Variants in SV2C observed in about 807,000 individuals in gnomAD.
SV2C encodes the protein solute carrier family 22 member B3.
A neutral mutation model predicts 79.7 loss-of-function variants in SV2C; 49 were observed. The observed-to-expected ratio is 0.61, with a 90% CI of 0.49 to 0.78. The LOEUF (loss-of-function observed/expected upper bound fraction) is 0.78. Ranked by LOEUF, SV2C falls within the 30% of genes least tolerant of loss-of-function variation. The pLI is 0.00. For missense variants in SV2C, 833 were observed against 912.9 expected (o/e 0.91, Z 1.13); for synonymous variants, 334 against 333.2 (o/e 1.00, Z -0.03).
intron 2 of SV2C, among the ~76,000 whole-genome samples, chr5:76,148,043 G>A (rs1169718712): frequency 6.6e-6 from 1 of 152,054 alleles, no homozygotes; most frequent in Non-Finnish European, 1.5e-5. Flanking sequence ...TAAATAAAGA[G>A]ACTCATTAAG....
At chr5:76,003,449 C>G in the SV2C span, among the ~76,000 whole-genome samples, 1 of 152,098 alleles carries the variant, frequency 6.6e-6, no homozygotes, top group Admixed American at 6.5e-5. Flanking sequence ...TTGCATTTTC[C>G]AAAATAGGAA....
chr5:76,080,555 C>T (rs1746970192), upstream of SV2C, among the ~76,000 whole-genome samples: 1 of 152,182 alleles, frequency 6.6e-6, no homozygotes, highest in African/African-American at 2.4e-5. Flanking sequence ...CACTGTGCTT[C>T]TTGTGTATAT....
chr5:76,071,785 G>A, the SV2C span, among the ~76,000 whole-genome samples: 1 of 152,196 alleles, frequency 6.6e-6, no homozygotes, highest in Non-Finnish European at 1.5e-5. Context: ...ACACTAATTT[G>A]GAGCAGGAAG....
the SV2C span, among the ~76,000 whole-genome samples, chr5:76,043,139 C>A: frequency 6.6e-6 from 1 of 152,192 alleles, no homozygotes; most frequent in South Asian, 2.1e-4. Flanking sequence ...ACTAGCCATG[C>A]AGAAAGCCCA....
At chr5:76,128,624 T>C (rs1308726204) in intron 1 of SV2C, among the ~76,000 whole-genome samples, 1 of 152,218 alleles carries the variant, frequency 6.6e-6, no homozygotes, top group Non-Finnish European at 1.5e-5. Flanking sequence ...AATGGAAGAC[T>C]ATAATGTCTA....
At chr5:76,059,512 A>G in the SV2C span, among the ~76,000 whole-genome samples, 1 of 150,852 alleles carries the variant, frequency 6.6e-6, no homozygotes. Context: ...TTGCTCATCC[A>G]TAAGAAGCAA....
chr5:75,919,652 G>A, the SV2C span, among the ~76,000 whole-genome samples: 1 of 152,252 alleles, frequency 6.6e-6, no homozygotes, highest in East Asian at 1.9e-4. Context: ...ATCATCAAAA[G>A]AACCTACCTT....
At chr5:75,910,826 G>T in the SV2C span, 2 of 1,304,022 alleles carry the variant, frequency 1.5e-6, no homozygotes, top group Admixed American at 3.4e-5. Context: ...CAATTTGAGG[G>T]ATGTCTTCTA....
At chr5:76,097,199 T>C (rs1162453037) in intron 1 of SV2C, among the ~76,000 whole-genome samples, 1 of 152,154 alleles carries the variant, frequency 6.6e-6, no homozygotes, top group Non-Finnish European at 1.5e-5. Context: ...TCTATTTAGG[T>C]AAAAAAATCT....
chr5:76,297,552 A>T (rs1034218980), intron 9 of SV2C, among the ~76,000 whole-genome samples: 2 of 152,172 alleles, frequency 1.3e-5, no homozygotes, highest in Admixed American at 1.3e-4. Context: ...TGACAGAAAA[A>T]ATTGATAACT....
chr5:76,211,691 A>G (rs1271429162), intron 4 of SV2C, among the ~76,000 whole-genome samples: 1 of 152,224 alleles, frequency 6.6e-6, no homozygotes, highest in Admixed American at 6.5e-5. Flanking sequence ...ATATTTCATT[A>G]TAAAACACAG....
chr5:76,231,531 C>T (rs1467895156), intron 4 of SV2C, among the ~76,000 whole-genome samples: 1 of 150,586 alleles, frequency 6.6e-6, no homozygotes. Flanking sequence ...TGGTGCGCCG[C>T]ACCCACTAAC....
At chr5:75,965,141 T>C in the SV2C span, among the ~76,000 whole-genome samples, 2 of 152,118 alleles carry the variant, frequency 1.3e-5, no homozygotes, top group African/African-American at 2.4e-5. Context: ...CAGGAGCACA[T>C]TCATTGTCAG....
chr5:76,101,241 G>A (rs908643219), intron 1 of SV2C, among the ~76,000 whole-genome samples: 3 of 152,172 alleles, frequency 2.0e-5, no homozygotes, highest in Non-Finnish European at 4.4e-5. Flanking sequence ...TGAAGGTCAG[G>A]TGCAGCAGTT....
chr5:76,235,750 A>G lies in SV2C; in HGVS notation c.913+25863A>G, dbSNP rs114078654. Among the ~76,000 whole-genome samples, 1,062 of 151,944 alleles carry G rather than the reference A, an allele frequency of 7.0e-3. 20 individuals carry two copies. The highest frequency in any genetic ancestry group is 0.025 in the African/African-American group (1,037 of 41,208). The stretch of plus-strand genomic sequence containing the variant: ...GACTCATTTTCAGATCTAGAGAAAA[A>G]CATCATTATTTTAAGAATCCATATT... On this transcript the variant is annotated intron_variant, in intron 4 of 12. Coordinates refer to ENST00000502798, the MANE Select transcript of SV2C (RefSeq NM_014979.4).
chr5:76,181,125 C>T (rs1247515393), intron 2 of SV2C, among the ~76,000 whole-genome samples: 1 of 152,110 alleles, frequency 6.6e-6, no homozygotes. Context: ...TTAATACACA[C>T]CTACCCTCAG....
At chr5:75,920,976 C>G in the SV2C span, 2 of 713,522 alleles carry the variant, frequency 2.8e-6, no homozygotes, top group African/African-American at 3.5e-5. Flanking sequence ...AGGTGATGCT[C>G]CAGTGCTGTG....
chr5:76,116,894 G>A (rs1389962246), intron 1 of SV2C, among the ~76,000 whole-genome samples: 4 of 152,226 alleles, frequency 2.6e-5, no homozygotes, highest in East Asian at 3.9e-4. Context: ...TCCTGGGCTC[G>A]AATGAAGACA....
chr5:75,882,745 T>C, the SV2C span, among the ~76,000 whole-genome samples: 7 of 151,588 alleles, frequency 4.6e-5, no homozygotes, highest in African/African-American at 1.7e-4. Context: ...ATACAAAAAT[T>C]AATTCAAGAT....
Sources: gnomAD v4.1 joint callset for allele counts (sites outside exome capture counted in the v4.1 genomes callset) on GRCh38, gnomAD v4.1.1 for gene constraint, MANE v1.5 for transcripts, NCBI Gene and HGNC (gene_info 2026-07-23, HGNC 2026-07-21) for gene names.